The following THBS2 variants were observed in gnomAD, a reference collection of about 807,000 sequenced individuals.
THBS2 encodes thrombospondin-2.
In THBS2, 47 loss-of-function variants were observed where a neutral mutation model predicts 135.2. The ratio of observed to expected loss-of-function variants is 0.35; its 90% CI spans 0.28 to 0.44. THBS2 has a LOEUF of 0.44. Ranked by LOEUF, THBS2 falls within the 20% of genes least tolerant of loss-of-function variation. The pLI is 1.00. For missense variants in THBS2, 1,288 were observed against 1,603.1 expected (o/e 0.80, Z 3.36); for synonymous variants, 639 against 633.8 (o/e 1.01, Z -0.12).
At chr6:169,224,622 AG>A (rs1299833509) in intron 17 of THBS2, among the ~76,000 whole-genome samples, 1 of 152,164 alleles carries the variant, frequency 6.6e-6, no homozygotes, top group Non-Finnish European at 1.5e-5. Flanking sequence ...TTTATTACTC[AG>A]GGACGCTGAC....
At position 169,245,518 on chromosome 6, in the gene THBS2, C is replaced by T. The variant is rs370140552; in HGVS notation, c.694+679G>A. 2.7e-3 allele frequency among the ~76,000 whole-genome samples: 405 copies of T among 152,190 alleles called. 1 individual carries two copies. Among genetic ancestry groups the T allele is most frequent in the Non-Finnish European group, 4.6e-3 (313 of 67,992 alleles). ...AGTATAAGAAAACTTCTAGGCCGGGCGTGGTGGCTCACACCTGTAATCCCA... is the reference window on the plus strand; with the variant it reads ...AGTATAAGAAAACTTCTAGGCCGGGTGTGGTGGCTCACACCTGTAATCCCA... On this transcript the variant is annotated intron_variant, in intron 4 of 21. Coordinates refer to ENST00000617924, the MANE Select transcript of THBS2 (RefSeq NM_003247.5).
At chr6:169,218,162 A>AGTGG (rs1403662748) in intron 21 of THBS2, among the ~76,000 whole-genome samples, 1 of 134,064 alleles carries the variant, frequency 7.5e-6, no homozygotes, top group Non-Finnish European at 1.6e-5. Flanking sequence ...GGATGAAATG[A>AGTGG]GTGGGTGGAT....
intron 21 of THBS2, among the ~76,000 whole-genome samples, 177 bp downstream of exon 21, chr6:169,220,021 C>A (rs936031274): frequency 6.6e-6 from 1 of 152,152 alleles, no homozygotes; most frequent in Non-Finnish European, 1.5e-5. Context: ...ACAAAACAAT[C>A]CAAGCTGACC....
chr6:169,229,525 G>T lies in THBS2; in HGVS notation c.2259+47C>A, dbSNP rs767818005. 4 of 1,534,542 alleles carry T rather than the reference G, an allele frequency of 2.6e-6. No homozygotes were observed. In the African/African-American group the frequency reaches 5.5e-5, roughly 21 times the overall value. On this transcript the variant is annotated intron_variant, in intron 14 of 21. Transcript: ENST00000617924. ...TATAAAGTGGCCTCCTGTGGACCTC[G>T]CTGCTCCTGGAACCCAGGGCAGGTG...
intron 18 of THBS2, 146 bp downstream of exon 18, chr6:169,223,098 GCAGA>G (rs1487567236): frequency 1.4e-6 from 1 of 705,270 alleles, no homozygotes; most frequent in Non-Finnish European, 2.3e-6. Context: ...GGTTATTTAG[GCAGA>G]CAGTTTCACA....
Position 169,248,909 on chromosome 6 carries a change from G to T in THBS2, c.117C>A (p.Thr39=). 1.2e-6 allele frequency: 2 copies of T among 1,613,766 alleles called. No individual in the cohort carries two copies. The highest frequency in any genetic ancestry group is 1.7e-6 in the Non-Finnish European group (2 of 1,179,986). The change falls in exon 3 of 22, where the codon ACC becomes ACA. Residue 39 remains threonine, a synonymous_variant. Transcript: ENST00000617924. The stretch of plus-strand genomic sequence containing the variant: ...GCCCGCGGAACTGCTTGGCGCCAAT[G>T]GTCTTGCGGTTGATGTTGCTGATAC... ...LFSISNINRK[T]IGAKQFRGPD...
intron 1 of THBS2, among the ~76,000 whole-genome samples, chr6:169,253,156 A>C (rs1325566295): frequency 6.6e-6 from 1 of 152,128 alleles, no homozygotes; most frequent in Non-Finnish European, 1.5e-5. Flanking sequence ...TCAGCTGCTA[A>C]TAATGTTAAC....
At chr6:169,226,342 G>A (rs1448351392) in intron 15 of THBS2, 44 bp from the exon 16 acceptor site, 2 of 1,481,146 alleles carry the variant, frequency 1.4e-6, no homozygotes, top group Non-Finnish European at 9.4e-7. Context: ...CAAACCAGAA[G>A]GACAGGTGAG....
In THBS2 at chr6:169,240,608, A is replaced by G; in HGVS notation, c.892-16T>C. 1.2e-6 allele frequency: 2 copies of G among 1,613,212 alleles called. No individual in the cohort carries two copies. Among genetic ancestry groups the G allele is most frequent in the Non-Finnish European group, 1.7e-6 (2 of 1,179,426 alleles). The stretch of plus-strand genomic sequence containing the variant: ...TATCATTCGACTGGAAAATCAAGTG[A>G]AACATTTAAGTGTAGACAATAATAC... On this transcript the variant is annotated splice_polypyrimidine_tract_variant and intron_variant, in intron 5 of 21. Coordinates refer to ENST00000617924, the MANE Select transcript of THBS2 (RefSeq NM_003247.5).
intron 2 of THBS2, among the ~76,000 whole-genome samples, chr6:169,250,024 C>T (rs1443715479): frequency 4.2e-5 from 6 of 144,332 alleles, no homozygotes; most frequent in Admixed American, 6.8e-5. Flanking sequence ...AGCAGGACTC[C>T]GTCCCAGAAA....
At chr6:169,229,420 T>C (rs1294853268) in intron 14 of THBS2, 152 bp downstream of exon 14, 1 of 593,484 alleles carries the variant, frequency 1.7e-6, no homozygotes, top group African/African-American at 1.8e-5. Flanking sequence ...CAAAGGACTG[T>C]CTTTATAGTG....
In THBS2 at chr6:169,237,794, C is replaced by T. The variant is rs200880806; in HGVS notation, c.1131G>A (p.Ser377=). The T allele has an allele frequency of 7.2e-5, 116 of 1,608,194 alleles. No individual in the cohort carries two copies. The African/African-American group carries it at 8.3e-4, about 11-fold the overall frequency. The change falls in exon 8 of 22, where the codon TCG becomes TCA. Residue 377 remains serine (S), a splice_region_variant and synonymous_variant. Coordinates refer to ENST00000617924, the MANE Select transcript of THBS2 (RefSeq NM_003247.5). The part of the protein sequence containing the change: ...EGECCPSCLH[S]VDGEEGWSPW... ...GAGACCAGCCCTCCTCACCGTCCAC[C>T]GCTGCCAGAGGAAGCAAACACGGTG...
At chr6:169,233,835 C>A (rs1437538950) in intron 10 of THBS2, among the ~76,000 whole-genome samples, 2 of 150,544 alleles carry the variant, frequency 1.3e-5, no homozygotes, top group Non-Finnish European at 3.0e-5. Flanking sequence ...CCACCTTCCA[C>A]AACACACAAC....
At chr6:169,219,021 G>A (rs111163625) in intron 21 of THBS2, among the ~76,000 whole-genome samples, 20,566 of 126,016 alleles carry the variant, frequency 0.16, 2,136 homozygotes, top group Non-Finnish European at 0.18. Context: ...GATGAGATGA[G>A]TGGATGGATG....
intron 13 of THBS2, among the ~76,000 whole-genome samples, chr6:169,230,897 T>C (rs1349461435): frequency 2.0e-5 from 3 of 152,142 alleles, no homozygotes; most frequent in Non-Finnish European, 4.4e-5. Flanking sequence ...CAGAGAAAAT[T>C]AACACAAAAT....
chr6:169,232,629 G>A (rs1583411131), intron 12 of THBS2, 35 bp downstream of exon 12: 5 of 1,560,482 alleles, frequency 3.2e-6, no homozygotes, highest in Non-Finnish European at 3.5e-6. Context: ...TTCCAAAGCC[G>A]CTCGCAACAC....
At chr6:169,251,498 G>A (rs1340635685) in intron 1 of THBS2, among the ~76,000 whole-genome samples, 1 of 152,126 alleles carries the variant, frequency 6.6e-6, no homozygotes, top group Non-Finnish European at 1.5e-5. Context: ...AGGAGATGTG[G>A]TCCAAAGCCC....
intron 13 of THBS2, among the ~76,000 whole-genome samples, chr6:169,231,373 G>A (rs1288590102): frequency 6.6e-6 from 1 of 152,254 alleles, no homozygotes; most frequent in Non-Finnish European, 1.5e-5. Flanking sequence ...GGGAGAAGCA[G>A]AGGGAGCACG....
At chr6:169,231,547 G>C (rs1005058130) in intron 13 of THBS2, among the ~76,000 whole-genome samples, 3 of 152,170 alleles carry the variant, frequency 2.0e-5, no homozygotes, top group Admixed American at 6.5e-5. Flanking sequence ...CAGCTGAGCA[G>C]CTCCTTATAC....
Sources: allele counts gnomAD v4.1 joint callset (sites outside exome capture counted in the v4.1 genomes callset), GRCh38; gene constraint gnomAD v4.1.1; transcripts MANE v1.5; gene names NCBI Gene and HGNC (gene_info 2026-07-23, HGNC 2026-07-21).